The following OSBPL9 variants were observed in gnomAD, a reference collection of about 807,000 sequenced individuals.
The protein encoded by OSBPL9 is oxysterol binding protein like 9, also known as oxysterol-binding protein-related protein 9.
OSBPL9 carries 40 observed loss-of-function variants against 106.6 expected under a neutral mutation model. The observed-to-expected ratio is 0.38, with a 90% CI of 0.29 to 0.49. The LOEUF (loss-of-function observed/expected upper bound fraction) is 0.49. OSBPL9 is among the 20% of genes least tolerant of loss of function. The pLI is 0.97. For missense variants in OSBPL9, 609 were observed against 887.2 expected (o/e 0.69, Z 3.98); for synonymous variants, 269 against 295.4 (o/e 0.91, Z 0.92).
chr1:51,537,785 C>G, the OSBPL9 span, among the ~76,000 whole-genome samples: 1 of 152,108 alleles, frequency 6.6e-6, no homozygotes, highest in Non-Finnish European at 1.5e-5. Flanking sequence ...AAGTGAACCT[C>G]CTACTTTGGC....
At chr1:51,608,993 C>G (rs370823637) in intron 2 of OSBPL9, among the ~76,000 whole-genome samples, 1 of 152,094 alleles carries the variant, frequency 6.6e-6, no homozygotes, top group Non-Finnish European at 1.5e-5. Context: ...TTCCCTCTTG[C>G]CTTTTACACT....
At chr1:51,645,710 G>A (rs776991015) in intron 1 of OSBPL9, among the ~76,000 whole-genome samples, 3 of 152,016 alleles carry the variant, frequency 2.0e-5, no homozygotes, top group Non-Finnish European at 2.9e-5. Context: ...TGATTCCAAG[G>A]TCACAAAGAT....
intron 4 of OSBPL9, chr1:51,724,757 G>C (rs937403167): frequency 1.2e-5 from 2 of 171,396 alleles, no homozygotes; most frequent in African/African-American, 4.8e-5. Flanking sequence ...TTTTTTGCTT[G>C]TTTGTTTTTG....
intron 3 of OSBPL9, among the ~76,000 whole-genome samples, chr1:51,713,452 T>G (rs114252580): frequency 0.013 from 1,945 of 151,328 alleles, 40 homozygotes; most frequent in African/African-American, 0.042. Context: ...ACCCAGCCAG[T>G]TTTTTTTTGT....
chr1:51,541,713 G>A, the OSBPL9 span, among the ~76,000 whole-genome samples: 1 of 152,150 alleles, frequency 6.6e-6, no homozygotes, highest in Non-Finnish European at 1.5e-5. Flanking sequence ...ACTGATATTT[G>A]AGCAAAAGTT....
chr1:51,772,548 T>C, intron 13 of OSBPL9, 57 bp from the exon 14 acceptor site: 1 of 1,281,284 alleles, frequency 7.8e-7, no homozygotes, highest in South Asian at 1.2e-5. Flanking sequence ...GTAATTCTAG[T>C]ATCAGGACAG....
At chr1:51,591,440 G>A (rs1645274994) in intron 1 of OSBPL9, among the ~76,000 whole-genome samples, 1 of 152,182 alleles carries the variant, frequency 6.6e-6, no homozygotes, top group African/African-American at 2.4e-5. Flanking sequence ...AGAACACCGG[G>A]GGAAATAGAA....
intron 1 of OSBPL9, among the ~76,000 whole-genome samples, chr1:51,642,335 A>C (rs932898077): frequency 6.6e-6 from 1 of 152,188 alleles, no homozygotes; most frequent in African/African-American, 2.4e-5. Context: ...AAATTAAGTA[A>C]TTTCAGAATT....
At chr1:51,673,323 TA>T (rs1650358262) in intron 3 of OSBPL9, among the ~76,000 whole-genome samples, 1 of 152,144 alleles carries the variant, frequency 6.6e-6, no homozygotes, top group African/African-American at 2.4e-5. Flanking sequence ...GATTTTAAGA[TA>T]GGAGTGGAGA....
At chr1:51,568,972 C>T in the OSBPL9 span, among the ~76,000 whole-genome samples, 472 of 152,266 alleles carry the variant, frequency 3.1e-3, 3 homozygotes, top group African/African-American at 8.0e-3. Context: ...CTCAGCCCCC[C>T]GCCACCCAGA....
At chr1:51,664,317 A>G (rs1647889815) in intron 2 of OSBPL9, among the ~76,000 whole-genome samples, 1 of 152,182 alleles carries the variant, frequency 6.6e-6, no homozygotes. Context: ...ATGCAACAAT[A>G]TGGATGAATC....
At chr1:51,741,375 TTC>T (rs1438937641) in intron 4 of OSBPL9, among the ~76,000 whole-genome samples, 2 of 151,930 alleles carry the variant, frequency 1.3e-5, no homozygotes, top group South Asian at 2.1e-4. Context: ...CTTCTTTTCT[TTC>T]TCTCTTTCCC....
intron 14 of OSBPL9, among the ~76,000 whole-genome samples, chr1:51,775,498 G>A (rs12067547): frequency 0.057 from 8,658 of 152,104 alleles, 465 homozygotes; most frequent in African/African-American, 0.14. Context: ...TGAACTTCCA[G>A]GGTGCTTAGA....
At chr1:51,629,222 A>C (rs754313682) in intron 1 of OSBPL9, among the ~76,000 whole-genome samples, 2 of 152,122 alleles carry the variant, frequency 1.3e-5, no homozygotes, top group Admixed American at 1.3e-4. Context: ...TTTTCATGGC[A>C]TATATTGTTA....
At chr1:51,592,767 T>C (rs968042725) in intron 1 of OSBPL9, among the ~76,000 whole-genome samples, 2 of 152,188 alleles carry the variant, frequency 1.3e-5, no homozygotes, top group African/African-American at 4.8e-5. Context: ...CCAGAGCATT[T>C]CCTAAATATT....
At chr1:51,675,662 A>G (rs1651009910) in intron 3 of OSBPL9, among the ~76,000 whole-genome samples, 1 of 152,308 alleles carries the variant, frequency 6.6e-6, no homozygotes, top group African/African-American at 2.4e-5. Context: ...TGTTAGCTTC[A>G]ACCACATGAA....
At chr1:51,731,024 T>C (rs1022949961) in intron 4 of OSBPL9, among the ~76,000 whole-genome samples, 1 of 152,094 alleles carries the variant, frequency 6.6e-6, no homozygotes, top group South Asian at 2.1e-4. Context: ...CATTTATTTA[T>C]ACTTTAAATA....
chr1:51,743,612 A>G (rs948194357), intron 4 of OSBPL9, among the ~76,000 whole-genome samples: 3 of 152,174 alleles, frequency 2.0e-5, no homozygotes, highest in African/African-American at 7.2e-5. Context: ...TGAATATGCC[A>G]TTAACCTTTT....
chr1:51,757,918 G>A (rs1670679618), intron 9 of OSBPL9, among the ~76,000 whole-genome samples: 1 of 152,128 alleles, frequency 6.6e-6, no homozygotes, highest in African/African-American at 2.4e-5. Flanking sequence ...ATATGTACAT[G>A]TATGTGTATG....
Sources: allele counts gnomAD v4.1 joint callset (sites outside exome capture counted in the v4.1 genomes callset), GRCh38; gene constraint gnomAD v4.1.1; transcripts MANE v1.5; gene names NCBI Gene and HGNC (gene_info 2026-07-23, HGNC 2026-07-21).